CUBN: variants seen among roughly 807,000 people sequenced by gnomAD.
CUBN encodes the protein cubilin.
Under a neutral mutation model 405.3 loss-of-function variants are expected in CUBN, and 282 were observed. The ratio of observed to expected loss-of-function variants is 0.70; its 90% CI spans 0.63 to 0.77. The LOEUF (loss-of-function observed/expected upper bound fraction) is 0.77. Ranked by LOEUF, CUBN falls within the 30% of genes least tolerant of loss-of-function variation. The pLI, the probability that CUBN is intolerant of heterozygous loss-of-function variation, is 0.00. For synonymous variants in CUBN, 1,684 were observed against 1,617.0 expected (o/e 1.04, Z -0.99); for missense variants, 4,514 against 4,475.2 (o/e 1.01, Z -0.25).
chr10:16,974,607 G>A (rs1003563297), intron 31 of CUBN, among the ~76,000 whole-genome samples: 43 of 152,104 alleles, frequency 2.8e-4, no homozygotes, highest in African/African-American at 9.6e-4. Flanking sequence ...TCCTGACCTC[G>A]TGATCCCCCC....
At chr10:17,024,431 TG>T (rs1834597731) in intron 27 of CUBN, among the ~76,000 whole-genome samples, 1 of 152,224 alleles carries the variant, frequency 6.6e-6, no homozygotes, top group Non-Finnish European at 1.5e-5. Context: ...AATTTAAAAC[TG>T]TAATAAATTA....
intron 22 of CUBN, among the ~76,000 whole-genome samples, chr10:17,056,804 T>C (rs1028112270): frequency 6.6e-6 from 1 of 152,148 alleles, no homozygotes; most frequent in African/African-American, 2.4e-5. Flanking sequence ...TTGCAATACA[T>C]TTATCTGGCA....
At chr10:17,066,881 A>G (rs892726146) in intron 21 of CUBN, among the ~76,000 whole-genome samples, 110 of 152,220 alleles carry the variant, frequency 7.2e-4, no homozygotes, top group African/African-American at 2.5e-3. Context: ...GAAACAACAA[A>G]AATCCTGGAC....
At position 16,996,391 on chromosome 10, in the gene CUBN, C is replaced by T. The variant is rs1367009161; in HGVS notation, c.4169-5876G>A. ...CTCATCTGCCGAAAGGAAGTGCTTG[C>T]TTTATCTGCAGGAAGCACATTGATC... On this transcript the variant is annotated intron_variant, in intron 28 of 66. Coordinates refer to ENST00000377833, the MANE Select transcript of CUBN (RefSeq NM_001081.4). Among the ~76,000 whole-genome samples, 13 of 152,190 alleles carry T rather than the reference C, an allele frequency of 8.5e-5. No homozygotes were observed. In the East Asian group the frequency reaches 1.3e-3, roughly 16 times the overall value.
At chr10:16,956,539 T>C (rs943845215) in intron 31 of CUBN, among the ~76,000 whole-genome samples, 3 of 152,114 alleles carry the variant, frequency 2.0e-5, no homozygotes, top group African/African-American at 7.2e-5. Context: ...CATTCATACT[T>C]GAGTCTACTC....
At chr10:16,843,755 C>A (rs987925309) in intron 60 of CUBN, among the ~76,000 whole-genome samples, 1 of 151,994 alleles carries the variant, frequency 6.6e-6, no homozygotes, top group Admixed American at 6.5e-5. Context: ...GACATAAGAC[C>A]CCTTCATGAA....
chr10:16,972,091 G>A (rs992500304), intron 31 of CUBN, among the ~76,000 whole-genome samples: 9 of 152,132 alleles, frequency 5.9e-5, no homozygotes, highest in East Asian at 1.9e-4. Flanking sequence ...AGCTTCCCTC[G>A]TGGTTTGAAT....
chr10:16,927,604 A>G (rs1238827450), intron 41 of CUBN, among the ~76,000 whole-genome samples: 1 of 152,128 alleles, frequency 6.6e-6, no homozygotes, highest in African/African-American at 2.4e-5. Flanking sequence ...GTTAGTTTGG[A>G]TTTAAGGCTG....
At chr10:16,968,996 G>A (rs747581557) in intron 31 of CUBN, among the ~76,000 whole-genome samples, 4 of 152,188 alleles carry the variant, frequency 2.6e-5, no homozygotes, top group Non-Finnish European at 5.9e-5. Context: ...AGCTCCCCTC[G>A]ATGCCATCAC....
chr10:16,874,259 T>C, intron 58 of CUBN, 115 bp downstream of exon 58: 1 of 1,100,974 alleles, frequency 9.1e-7, no homozygotes, highest in African/African-American at 1.5e-5. Context: ...CTCCTCTGTG[T>C]AGATTTCCCT....
chr10:16,858,193 T>C (rs1040310236), intron 59 of CUBN, among the ~76,000 whole-genome samples: 4 of 152,222 alleles, frequency 2.6e-5, no homozygotes, highest in Admixed American at 1.3e-4. Context: ...TGTTCATGGA[T>C]TGGAAAACTC....
chr10:17,033,574 A>C (rs11254336), intron 27 of CUBN, among the ~76,000 whole-genome samples: 70,571 of 152,062 alleles, frequency 0.46, 19,714 homozygotes, highest in East Asian at 0.68. Flanking sequence ...ACGCAAAACA[A>C]AACAACAAAC....
intron 4 of CUBN, among the ~76,000 whole-genome samples, chr10:17,124,495 C>T (rs1003813618): frequency 1.3e-5 from 2 of 151,318 alleles, no homozygotes; most frequent in African/African-American, 2.4e-5. Flanking sequence ...GTGGCGCGAT[C>T]TCCGCTCACT....
intron 8 of CUBN, 29 bp from the exon 9 acceptor site, chr10:17,111,079 A>T (rs750631525): frequency 3.7e-6 from 6 of 1,613,344 alleles, no homozygotes; most frequent in Non-Finnish European, 5.1e-6. Context: ...TTAAAAGTTT[A>T]GCTCTATAGA....
At chr10:16,999,545 T>C (rs1360524166) in intron 28 of CUBN, among the ~76,000 whole-genome samples, 1 of 152,206 alleles carries the variant, frequency 6.6e-6, no homozygotes, top group African/African-American at 2.4e-5. Flanking sequence ...GTTTTTGAAA[T>C]GATTGAAGAC....
At chr10:16,953,536 G>A (rs11254297) in intron 32 of CUBN, among the ~76,000 whole-genome samples, 9,664 of 152,186 alleles carry the variant, frequency 0.064, 381 homozygotes, top group Non-Finnish European at 0.088. Flanking sequence ...TCATCTCTTA[G>A]AACGAGCAGA....
intron 57 of CUBN, among the ~76,000 whole-genome samples, chr10:16,876,440 T>C (rs1192658421): frequency 6.6e-6 from 1 of 152,212 alleles, no homozygotes; most frequent in Non-Finnish European, 1.5e-5. Context: ...AGGGCTTTTG[T>C]TTTGGGCATA....
At chr10:17,108,523 GTCCACTTAT>G (rs1836692213) in intron 10 of CUBN, among the ~76,000 whole-genome samples, 2 of 152,008 alleles carry the variant, frequency 1.3e-5, no homozygotes, top group South Asian at 4.1e-4. Context: ...ATGGAACTGG[GTCCACTTAT>G]TTGAGCAAAA....
chr10:17,123,238 G>GA (rs1456452018), intron 5 of CUBN, among the ~76,000 whole-genome samples: 1 of 151,746 alleles, frequency 6.6e-6, no homozygotes, highest in Non-Finnish European at 1.5e-5. Context: ...ATCGTTATCA[G>GA]AAAAAATAAA....
Sources: gnomAD v4.1 joint callset for allele counts (sites outside exome capture counted in the v4.1 genomes callset) on GRCh38, gnomAD v4.1.1 for gene constraint, MANE v1.5 for transcripts, NCBI Gene and HGNC (gene_info 2026-07-23, HGNC 2026-07-21) for gene names.